The following FKTN variants were observed in gnomAD, a reference collection of about 807,000 sequenced individuals.
FKTN encodes ribitol-5-phosphate transferase FKTN.
Under a neutral mutation model 58.6 loss-of-function variants are expected in FKTN, and 47 were observed. That is an observed-to-expected ratio of 0.80 (90% CI 0.63 to 1.02). The LOEUF (loss-of-function observed/expected upper bound fraction) is 1.02. Ranked by LOEUF, FKTN falls within the 50% of genes least tolerant of loss-of-function variation. FKTN has a pLI of 0.00. For missense variants in FKTN, 516 were observed against 537.3 expected, an observed-to-expected ratio of 0.96 and a Z score of 0.39; for synonymous variants, 178 against 191.9, an observed-to-expected ratio of 0.93 and a Z score of 0.60.
chr9:105,639,279 G>A lies in FKTN; in HGVS notation c.*4015G>A, dbSNP rs1365090236. 2.0e-6 allele frequency: 2 copies of A among 985,204 alleles called. No homozygotes were observed. The highest frequency in any genetic ancestry group is 2.4e-6 in the Non-Finnish European group (2 of 829,858). 61.0% of individuals were successfully genotyped at this position (985,204 alleles called of 1,614,324 possible). Reference sequence around the variant, plus strand: ...TGTCTTCCACTATCATTAAGACCTGGGCTAGATCACCTCTAACATCTCACT... The same window carrying A: ...TGTCTTCCACTATCATTAAGACCTGAGCTAGATCACCTCTAACATCTCACT... On this transcript the variant is annotated 3_prime_UTR_variant, in exon 11 of 11. Coordinates refer to ENST00000357998, the MANE Select transcript of FKTN (RefSeq NM_001079802.2).
At chr9:105,581,489 G>A (rs928999057) in intron 3 of FKTN, among the ~76,000 whole-genome samples, 15 of 150,946 alleles carry the variant, frequency 9.9e-5, no homozygotes, top group Admixed American at 7.2e-4. Context: ...GGGGGTCAGG[G>A]GTCAGGGACC....
chr9:105,571,994 C>T (rs1244450520), intron 1 of FKTN, among the ~76,000 whole-genome samples: 1 of 152,068 alleles, frequency 6.6e-6, no homozygotes, highest in East Asian at 1.9e-4. Context: ...CTTTTGGTCC[C>T]AAGCATTTTG....
chr9:105,563,181 A>G (rs185787328), intron 1 of FKTN, among the ~76,000 whole-genome samples: 1 of 152,364 alleles, frequency 6.6e-6, no homozygotes, highest in East Asian at 1.9e-4. Context: ...GGGTTCCAAG[A>G]TGGCCGAATA....
rs765934383 is a variant in FKTN at position 105,635,127 on chromosome 9, G to T, written c.1249G>T (p.Glu417Ter). Reference protein sequence around the residue: ...MKVHVPCETLEYIEANYGKTW... With the variant: ...MKVHVPCETL Reference sequence around the variant, plus strand: ...GGTCCATGTACCCTGTGAAACCCTCGAATACATTGAAGCCAACTATGGTAA... The same window carrying T: ...GGTCCATGTACCCTGTGAAACCCTCTAATACATTGAAGCCAACTATGGTAA... The change falls in exon 11 of 11, where the codon GAA (glutamate) becomes TAA (stop). Residue 417 changes from glutamate (E) to a stop codon, truncating the protein, a stop_gained. Coordinates refer to ENST00000357998, the MANE Select transcript of FKTN (RefSeq NM_001079802.2). LOFTEE classifies it high-confidence loss of function. 6.2e-7 allele frequency: 1 copy of T among 1,614,080 alleles called. No individual in the cohort carries two copies. The highest frequency in any genetic ancestry group is 1.1e-5 in the South Asian group (1 of 91,080).
At chr9:105,600,930 T>G (rs368495214) in intron 4 of FKTN, 5 of 475,126 alleles carry the variant, frequency 1.1e-5, no homozygotes, top group African/African-American at 9.7e-5. Flanking sequence ...TATTTCACCT[T>G]ATATTGAAAA....
chr9:105,621,883 CTG>C (rs1315690151), intron 10 of FKTN, among the ~76,000 whole-genome samples: 1 of 152,068 alleles, frequency 6.6e-6, no homozygotes, highest in Non-Finnish European at 1.5e-5. Context: ...GTCACTATCT[CTG>C]TCCATATGTC....
At chr9:105,567,322 A>G (rs568962861) in intron 1 of FKTN, among the ~76,000 whole-genome samples, 2 of 152,322 alleles carry the variant, frequency 1.3e-5, no homozygotes, top group East Asian at 3.9e-4. Flanking sequence ...AGAAAGAAAT[A>G]AAAGATATTT....
chr9:105,569,951 A>G (rs954796472), intron 1 of FKTN, among the ~76,000 whole-genome samples: 3 of 152,252 alleles, frequency 2.0e-5, no homozygotes, highest in East Asian at 1.9e-4. Flanking sequence ...AATGAATGCT[A>G]TCCTCCCTAG....
intron 3 of FKTN, among the ~76,000 whole-genome samples, chr9:105,593,288 T>C (rs142219841): frequency 4.6e-5 from 7 of 152,196 alleles, no homozygotes; most frequent in African/African-American, 1.4e-4. Flanking sequence ...GATAACTCAC[T>C]CACTCATTAT....
intron 10 of FKTN, among the ~76,000 whole-genome samples, chr9:105,627,315 T>A (rs761817619): frequency 5.3e-5 from 8 of 152,180 alleles, no homozygotes; most frequent in Non-Finnish European, 1.2e-4. Flanking sequence ...TAAAAAGTTA[T>A]TTTAATGTAG....
At chr9:105,599,360 A>T (rs1827411831) in intron 4 of FKTN, among the ~76,000 whole-genome samples, 2 of 149,532 alleles carry the variant, frequency 1.3e-5, no homozygotes, top group South Asian at 4.2e-4. Context: ...TTCCTTTTTT[A>T]TCTTTTTTTA....
chr9:105,615,960 G>A (rs1015587992), intron 8 of FKTN, among the ~76,000 whole-genome samples: 1 of 152,182 alleles, frequency 6.6e-6, no homozygotes, highest in African/African-American at 2.4e-5. Flanking sequence ...ATGATAAAAT[G>A]CCTACATGAT....
intron 3 of FKTN, among the ~76,000 whole-genome samples, chr9:105,579,496 T>C (rs1216100858): frequency 1.3e-5 from 2 of 151,932 alleles, no homozygotes; most frequent in African/African-American, 4.8e-5. Context: ...TTCTTAATCC[T>C]GAGTTCTAGT....
At chr9:105,628,229 C>T (rs1226552684) in intron 10 of FKTN, among the ~76,000 whole-genome samples, 5 of 152,068 alleles carry the variant, frequency 3.3e-5, no homozygotes, top group Admixed American at 6.6e-5. Flanking sequence ...TGAATGATCT[C>T]GTATTTTCTG....
At chr9:105,615,687 C>G (rs1830676092) in intron 8 of FKTN, among the ~76,000 whole-genome samples, 1 of 152,036 alleles carries the variant, frequency 6.6e-6, no homozygotes, top group Non-Finnish European at 1.5e-5. Flanking sequence ...CAATAGTCCC[C>G]CCTTATCCAT....
rs182131015 is a variant in FKTN, at chr9:105,634,584, C to T, written c.1173-467C>T. 1.4e-4 allele frequency among the ~76,000 whole-genome samples: 22 copies of T among 152,260 alleles called. No homozygotes were observed. In the East Asian group the frequency reaches 1.9e-3, roughly 13 times the overall value. On this transcript the variant is annotated intron_variant, in intron 10 of 10. Coordinates refer to ENST00000357998, the MANE Select transcript of FKTN (RefSeq NM_001079802.2). ...GAAACCACAGGTAGGATCATGTAAG[C>T]TATGGAACCAAAGGAAAAGCCTGGA...
rs370650064 is a variant in FKTN, at chr9:105,604,954, TC to T, written c.647+463del. Among the ~76,000 whole-genome samples, 73 of 132,218 alleles carry T rather than the reference TC, an allele frequency of 5.5e-4. 1 individual carries two copies. Among genetic ancestry groups the T allele is most frequent in the Admixed American group, 9.2e-4 (12 of 12,990 alleles). 86.7% of individuals were successfully genotyped at this position (132,218 alleles called of 152,430 possible). A position where few individuals can be genotyped will look rare whatever the true frequency, so the allele number is the denominator to read the frequency against. Reference sequence around the variant, plus strand: ...CTGGGCAACAGAGCAGGACTTTGTCTCAAAAAAAAAAAAAAAACTGTAAAGG... The same window carrying T: ...CTGGGCAACAGAGCAGGACTTTGTCTAAAAAAAAAAAAAAAACTGTAAAGG... On this transcript the variant is annotated intron_variant, in intron 6 of 10. Transcript: ENST00000357998.
Position 105,605,714 on chromosome 9 carries a change from G to C in FKTN, c.647+1222G>C, listed in dbSNP as rs1049659948. On this transcript the variant is annotated intron_variant, in intron 6 of 10. Transcript: ENST00000357998. ...AAATAACTGAACTCATGGAGATAGA[G>C]AGTAGAATGATGGTTATCAGAGGCT... Among the ~76,000 whole-genome samples, 8 of 152,188 alleles carry C rather than the reference G, an allele frequency of 5.3e-5. 1 individual carries two copies. The highest frequency in any genetic ancestry group is 2.1e-4 in the South Asian group (1 of 4,836).
intron 3 of FKTN, among the ~76,000 whole-genome samples, chr9:105,577,621 CT>C (rs1483389977): frequency 6.7e-6 from 1 of 149,568 alleles, no homozygotes; most frequent in African/African-American, 2.5e-5. Flanking sequence ...CAGCTTTGTT[CT>C]TTTGGCTTAG....
Sources: gnomAD v4.1 joint callset for allele counts (sites outside exome capture counted in the v4.1 genomes callset) on GRCh38, gnomAD v4.1.1 for gene constraint, MANE v1.5 for transcripts, NCBI Gene and HGNC (gene_info 2026-07-23, HGNC 2026-07-21) for gene names.